The following CLASRP variants were observed in gnomAD, a reference collection of about 807,000 sequenced individuals.
The protein encoded by CLASRP is CLK4-associating serine/arginine rich protein.
Under a neutral mutation model 99.9 loss-of-function variants are expected in CLASRP, and 52 were observed. The observed-to-expected ratio is 0.52, with a 90% CI of 0.42 to 0.66. The LOEUF (loss-of-function observed/expected upper bound fraction) is 0.66, where lower values mean the gene tolerates loss of function less well. Among genes scored for constraint, CLASRP ranks in the 30% least tolerant of loss-of-function variants. CLASRP has a pLI of 0.00. For missense variants in CLASRP, 848 were observed against 999.2 expected (o/e 0.85, Z 2.04); for synonymous variants, 379 against 373.0 (o/e 1.02, Z -0.18).
intron 18 of CLASRP, chr19:45,069,525 C>T: frequency 1.7e-6 from 1 of 576,778 alleles, no homozygotes; most frequent in African/African-American, 1.9e-5. Flanking sequence ...GCCTGGCAAG[C>T]TGTTCCTGAT....
intron 2 of CLASRP, among the ~76,000 whole-genome samples, chr19:45,050,607 C>T (rs1972005345): frequency 6.6e-6 from 1 of 152,142 alleles, no homozygotes; most frequent in African/African-American, 2.4e-5. Flanking sequence ...TCGCTTGAAC[C>T]TGGGAGGTGG....
chr19:45,064,667 G>T, intron 13 of CLASRP, 37 bp downstream of exon 13: 1 of 1,510,162 alleles, frequency 6.6e-7, no homozygotes, highest in Non-Finnish European at 8.8e-7. Flanking sequence ...GAGGGGCTGG[G>T]GGGGCGCGGT....
chr19:45,063,889 CACCCGCCTG>C, intron 11 of CLASRP, 114 bp from the exon 12 acceptor site: 1 of 1,383,984 alleles, frequency 7.2e-7, no homozygotes, highest in Non-Finnish European at 9.6e-7. Context: ...AGGCTCCATC[CACCCGCCTG>C]GTTTCCCGGG....
chr19:45,070,791 TTC>T lies in CLASRP; in HGVS notation c.1983-8_1983-7del. ...TGCCCCATCCTCACGGCCCCTCCCT[TTC>T]TCTTTCCAGGCGCTCAAGGTCCCGA... On this transcript the variant is annotated splice_polypyrimidine_tract_variant and intron_variant, in intron 20 of 20. Transcript: ENST00000221455. The T allele has an allele frequency of 2.5e-6, 4 of 1,610,442 alleles. No homozygotes were observed. Among genetic ancestry groups the T allele is most frequent in the Non-Finnish European group, 3.4e-6 (4 of 1,177,452 alleles).
Position 45,068,436 on chromosome 19 carries a change from A to G in CLASRP, c.1724A>G (p.Gln575Arg), listed in dbSNP as rs1398949386. Residue 575 changes from glutamine (Q) to arginine (R), a missense_variant, in exon 16 of 21, where the codon CAG becomes CGG. This residue lies in a region of CLASRP where 116 missense variants were observed against 162.7 expected (regional missense o/e 0.71). Coordinates refer to ENST00000221455, the MANE Select transcript of CLASRP (RefSeq NM_007056.3). The part of the protein sequence containing the change: ...TGAAKPKLTP[Q>R]EKLKLRMQKA... ...CCTCCCCAGCCCAAGCTGACGCCTC[A>G]GGAGAAGCTGAAACTGAGGATGCAG... The G allele has an allele frequency of 1.9e-6, 3 of 1,598,764 alleles. No individual in the cohort carries two copies. Among genetic ancestry groups the G allele is most frequent in the Non-Finnish European group, 2.6e-6 (3 of 1,171,842 alleles).
In CLASRP at chr19:45,067,267, G is replaced by A. The variant is rs1470551621; in HGVS notation, c.1410-70G>A. On this transcript the variant is annotated intron_variant, in intron 13 of 20. Transcript: ENST00000221455. This position sits in a 1 kb window ranked among gnomAD's most constrained non-coding sequence, Gnocchi z 4.9. ...TGCAGGAAGGAGGACTGTGGATCCG[G>A]ACCCAGGGTGGGGTGCGGTTGGGGT... The A allele has an allele frequency of 1.1e-5, 16 of 1,437,658 alleles. No individual in the cohort carries two copies. The East Asian group carries it at 4.0e-4, about 36-fold the overall frequency. The allele number at this position is 1,437,658 out of a possible 1,614,324, so 89.1% of individuals were successfully genotyped here. A position where few individuals can be genotyped will look rare whatever the true frequency, so the allele number is the denominator to read the frequency against.
At chr19:45,044,221 A>C (rs1432338835) in intron 2 of CLASRP, among the ~76,000 whole-genome samples, 1 of 152,226 alleles carries the variant, frequency 6.6e-6, no homozygotes, top group Non-Finnish European at 1.5e-5. Context: ...CGCCAGACCC[A>C]GTGCTCACCA....
intron 11 of CLASRP, among the ~76,000 whole-genome samples, chr19:45,063,463 T>TTTTTTTTTTTTTTTTTTTTTTTTG (rs1966988832): frequency 7.5e-6 from 1 of 133,910 alleles, no homozygotes; most frequent in Non-Finnish European, 1.5e-5. Context: ...TTTTTTTTTT[T>TTTTTTTTTTTTTTTTTTTTTTTTG]GAGACGGAGT....
intron 5 of CLASRP, among the ~76,000 whole-genome samples, chr19:45,054,585 A>G (rs936291694): frequency 6.6e-6 from 1 of 152,116 alleles, no homozygotes; most frequent in Non-Finnish European, 1.5e-5. Context: ...TCGAGGGGGA[A>G]CACCCTGTCC....
At chr19:45,040,600 C>G (rs73938302) in intron 2 of CLASRP, 3,891 of 266,870 alleles carry the variant, frequency 0.015, 133 homozygotes, top group African/African-American at 0.077. Flanking sequence ...GACTGGCCAC[C>G]TCCAGAATGT....
At chr19:45,069,702 G>A (rs1369718916) in intron 18 of CLASRP, 1 of 447,568 alleles carries the variant, frequency 2.2e-6, no homozygotes, top group Non-Finnish European at 4.1e-6. Context: ...CGTAGCCATT[G>A]GGTTGCCAAG....
At chr19:45,054,022 A>G (rs1184338481) in intron 5 of CLASRP, among the ~76,000 whole-genome samples, 1 of 152,260 alleles carries the variant, frequency 6.6e-6, no homozygotes, top group Non-Finnish European at 1.5e-5. Flanking sequence ...AATATTTGCC[A>G]GCATTTGACA....
chr19:45,067,884 G>T lies in CLASRP; in HGVS notation c.1668-131G>T. 2.7e-6 allele frequency: 2 copies of T among 745,906 alleles called. No individual in the cohort carries two copies. The highest frequency in any genetic ancestry group is 2.6e-5 in the East Asian group (1 of 38,648). 46.2% of individuals were successfully genotyped at this position (745,906 alleles called of 1,614,324 possible). ...GTTCTGTGGGGTCTGAGAGGGACATGGTTGCACCCTGGGGCATCTGAGGCC... is the reference window on the plus strand; with the variant it reads ...GTTCTGTGGGGTCTGAGAGGGACATTGTTGCACCCTGGGGCATCTGAGGCC... On this transcript the variant is annotated intron_variant, in intron 14 of 20. Coordinates refer to ENST00000221455, the MANE Select transcript of CLASRP (RefSeq NM_007056.3). This position sits in a 1 kb window ranked among gnomAD's most constrained non-coding sequence, Gnocchi z 4.9.
intron 2 of CLASRP, 57 bp from the exon 3 acceptor site, chr19:45,052,014 G>A (rs750541215): frequency 5.2e-5 from 70 of 1,348,672 alleles, no homozygotes; most frequent in Admixed American, 1.2e-4. Context: ...TTGTGTGTGA[G>A]GGGGTGGGGT....
intron 16 of CLASRP, 129 bp from the exon 17 acceptor site, chr19:45,068,937 C>T (rs1967164317): frequency 2.3e-6 from 2 of 859,994 alleles, no homozygotes; most frequent in Non-Finnish European, 3.7e-6. Context: ...CTGCAGTGAG[C>T]CAAGATCACG....
chr19:45,058,205 C>T, intron 7 of CLASRP: 1 of 380,150 alleles, frequency 2.6e-6, no homozygotes, highest in Non-Finnish European at 5.0e-6. Flanking sequence ...CTCCTGCTCT[C>T]TTCCCTCCTC....
intron 13 of CLASRP, among the ~76,000 whole-genome samples, chr19:45,065,719 G>T (rs950287485): frequency 6.6e-6 from 1 of 152,174 alleles, no homozygotes. Flanking sequence ...GGGCAGCGAC[G>T]CTGGGTTGGT....
intron 7 of CLASRP, among the ~76,000 whole-genome samples, chr19:45,058,824 C>T (rs1417400632): frequency 1.3e-5 from 2 of 151,942 alleles, no homozygotes; most frequent in African/African-American, 2.4e-5. Context: ...GATCTCCAGC[C>T]GCCATCTTTC....
chr19:45,055,787 C>T (rs755903097), intron 5 of CLASRP, among the ~76,000 whole-genome samples: 3 of 152,088 alleles, frequency 2.0e-5, no homozygotes, highest in East Asian at 1.9e-4. Context: ...GAGCCAAGAT[C>T]GCGCCATTGC....
Sources: allele counts gnomAD v4.1 joint callset (sites outside exome capture counted in the v4.1 genomes callset), GRCh38; gene constraint gnomAD v4.1.1; regional missense constraint gnomAD v4.1.1; non-coding constraint Gnocchi (gnomAD v3.1); transcripts MANE v1.5; gene names NCBI Gene and HGNC (gene_info 2026-07-23, HGNC 2026-07-21).